The following GNA12 variants were observed in gnomAD, a reference collection of about 807,000 sequenced individuals.
GNA12 encodes the protein guanine nucleotide-binding protein subunit alpha-12.
Under a neutral mutation model 26.0 loss-of-function variants are expected in GNA12, and 9 were observed. That is an observed-to-expected ratio of 0.35 (90% CI 0.21 to 0.60). GNA12 has a LOEUF of 0.60. Among genes scored for constraint, GNA12 ranks in the 20% least tolerant of loss-of-function variants. The pLI is 0.78. For missense variants in GNA12, 405 were observed against 525.8 expected (o/e 0.77, Z 2.25); for synonymous variants, 264 against 219.6 (o/e 1.20, Z -1.79).
chr7:2,793,134 T>C (rs542676532), intron 2 of GNA12, among the ~76,000 whole-genome samples: 1 of 152,092 alleles, frequency 6.6e-6, no homozygotes, highest in Non-Finnish European at 1.5e-5. Context: ...ACAGGAAGAT[T>C]CTACACAATA....
At chr7:2,821,901 A>C (rs1051717733) in intron 1 of GNA12, among the ~76,000 whole-genome samples, 6 of 152,192 alleles carry the variant, frequency 3.9e-5, no homozygotes, top group African/African-American at 1.4e-4. Flanking sequence ...TATTACAAGA[A>C]TTTATTTATG....
intron 1 of GNA12, among the ~76,000 whole-genome samples, chr7:2,839,046 G>A (rs1053663589): frequency 3.3e-5 from 5 of 152,090 alleles, no homozygotes; most frequent in African/African-American, 4.8e-5. Context: ...TCCGCCAAAC[G>A]AGCATACGCG....
At chr7:2,800,387 GA>G (rs1792780426) in intron 1 of GNA12, among the ~76,000 whole-genome samples, 1 of 152,162 alleles carries the variant, frequency 6.6e-6, no homozygotes, top group Admixed American at 6.5e-5. Flanking sequence ...TTGTGGTCTG[GA>G]CTGTGGTGGT....
chr7:2,736,095 G>A (rs1790160305), intron 2 of GNA12, among the ~76,000 whole-genome samples: 1 of 152,280 alleles, frequency 6.6e-6, no homozygotes, highest in African/African-American at 2.4e-5. Context: ...CTCATTAAAA[G>A]GGCCAGGTTT....
chr7:2,779,611 T>A (rs1161514078), intron 2 of GNA12, among the ~76,000 whole-genome samples: 1 of 152,184 alleles, frequency 6.6e-6, no homozygotes, highest in Non-Finnish European at 1.5e-5. Context: ...ACTTTTTAAC[T>A]TTTTTAAGAC....
intron 2 of GNA12, among the ~76,000 whole-genome samples, chr7:2,750,524 T>C (rs559546891): frequency 2.0e-5 from 3 of 152,326 alleles, no homozygotes; most frequent in African/African-American, 4.8e-5. Flanking sequence ...GTTTAATTGA[T>C]AAGTTAGGCA....
intron 1 of GNA12, among the ~76,000 whole-genome samples, chr7:2,821,435 G>A (rs1793368135): frequency 6.6e-6 from 1 of 152,176 alleles, no homozygotes; most frequent in South Asian, 2.1e-4. Context: ...AGAAATCACG[G>A]CCAGGTGTTG....
At chr7:2,840,089 G>A (rs1319828200) in intron 1 of GNA12, among the ~76,000 whole-genome samples, 1 of 152,160 alleles carries the variant, frequency 6.6e-6, no homozygotes, top group Non-Finnish European at 1.5e-5. Flanking sequence ...GTCCTTCTCT[G>A]ATGGAAAGGC....
In GNA12 at chr7:2,844,096, C is replaced by T. The variant is rs1779094618; in HGVS notation, c.66G>A (p.Glu22=). Reference sequence around the variant, plus strand: ...CGCGCGCGCCGCTGCCCGCCCTGCGCTCGCGGGCCCCGCCGGCCTCGGCCG... The same window carrying T: ...CGCGCGCGCCGCTGCCCGCCCTGCGTTCGCGGGCCCCGCCGGCCTCGGCCG... ...LLPAEAGGAR[E]RRAGSGARDA... The change falls in exon 1 of 4, where the codon GAG becomes GAA. Residue 22 remains glutamate (E), a synonymous_variant. Coordinates refer to ENST00000275364, the MANE Select transcript of GNA12 (RefSeq NM_007353.3). The T allele has an allele frequency of 2.0e-6, 2 of 1,006,044 alleles. No individual in the cohort carries two copies. The highest frequency in any genetic ancestry group is 2.4e-6 in the Non-Finnish European group (2 of 845,744). 62.3% of individuals were successfully genotyped at this position (1,006,044 alleles called of 1,614,324 possible). A position where few individuals can be genotyped will look rare whatever the true frequency, so the allele number is the denominator to read the frequency against.
intron 1 of GNA12, among the ~76,000 whole-genome samples, chr7:2,795,682 A>C (rs7803389): frequency 0.012 from 1,847 of 151,936 alleles, 50 homozygotes; most frequent in African/African-American, 0.042. Context: ...GTACATAAGC[A>C]CCACAGAAAG....
At chr7:2,819,778 T>A (rs1793304710) in intron 1 of GNA12, among the ~76,000 whole-genome samples, 1 of 152,198 alleles carries the variant, frequency 6.6e-6, no homozygotes, top group Non-Finnish European at 1.5e-5. Context: ...AGACGTTATA[T>A]TGGTGGGAAC....
At chr7:2,753,212 C>T (rs749793102) in intron 2 of GNA12, among the ~76,000 whole-genome samples, 2 of 152,050 alleles carry the variant, frequency 1.3e-5, no homozygotes, top group Middle Eastern at 3.4e-3. Context: ...TGGAATGCAG[C>T]GGCATGATCA....
intron 2 of GNA12, among the ~76,000 whole-genome samples, chr7:2,742,470 G>C (rs890096148): frequency 6.6e-6 from 1 of 152,152 alleles, no homozygotes. Flanking sequence ...GTCAACAAGA[G>C]CCCTGCTCCT....
chr7:2,785,326 G>C (rs968516044), intron 2 of GNA12, among the ~76,000 whole-genome samples: 2 of 152,168 alleles, frequency 1.3e-5, no homozygotes, highest in African/African-American at 4.8e-5. Flanking sequence ...GCTTTGTCAC[G>C]TCAGGCAAAT....
At chr7:2,842,209 C>T (rs1232869733) in intron 1 of GNA12, among the ~76,000 whole-genome samples, 3 of 151,202 alleles carry the variant, frequency 2.0e-5, no homozygotes, top group Admixed American at 2.0e-4. Flanking sequence ...GTAAGCAAGG[C>T]TGCACTGTTC....
chr7:2,810,088 G>C (rs902603904), intron 1 of GNA12, among the ~76,000 whole-genome samples: 9 of 152,204 alleles, frequency 5.9e-5, no homozygotes, highest in Non-Finnish European at 1.3e-4. Flanking sequence ...GTACGCAGCT[G>C]AATATTTCAG....
At chr7:2,796,814 C>T (rs922084434) in intron 1 of GNA12, among the ~76,000 whole-genome samples, 1 of 152,162 alleles carries the variant, frequency 6.6e-6, no homozygotes, top group Admixed American at 6.5e-5. Flanking sequence ...ATGCAGCCAG[C>T]CTTTGGAAAA....
intron 2 of GNA12, among the ~76,000 whole-genome samples, chr7:2,779,857 C>G (rs1199692112): frequency 6.6e-6 from 1 of 151,854 alleles, no homozygotes; most frequent in East Asian, 1.9e-4. Flanking sequence ...CTCAGCCTCC[C>G]AAAGTGGTGG....
intron 2 of GNA12, among the ~76,000 whole-genome samples, chr7:2,758,851 A>C (rs570412429): frequency 2.6e-5 from 4 of 152,226 alleles, no homozygotes; most frequent in Non-Finnish European, 5.9e-5. Context: ...ATGTATCAAC[A>C]TGATGGGTCT....
Sources: gnomAD v4.1 joint callset for allele counts (sites outside exome capture counted in the v4.1 genomes callset) on GRCh38, gnomAD v4.1.1 for gene constraint, MANE v1.5 for transcripts, NCBI Gene and HGNC (gene_info 2026-07-23, HGNC 2026-07-21) for gene names.